Variants in CCSER1 observed in about 807,000 individuals in gnomAD.
The protein encoded by CCSER1 is serine-rich coiled-coil domain-containing protein 1.
In CCSER1, 41 loss-of-function variants were observed where a neutral mutation model predicts 82.0. The observed-to-expected ratio is 0.50, with a 90% CI of 0.39 to 0.65. CCSER1 has a LOEUF of 0.65. Among genes scored for constraint, CCSER1 ranks in the 30% least tolerant of loss-of-function variants. CCSER1 has a pLI of 0.00. For missense variants in CCSER1, 1,119 were observed against 1,064.2 expected, an observed-to-expected ratio of 1.05 and a Z score of -0.72; for synonymous variants, 414 against 383.9, an observed-to-expected ratio of 1.08 and a Z score of -0.92.
intron 6 of CCSER1, among the ~76,000 whole-genome samples, chr4:90,692,787 C>G (rs1736242474): frequency 6.6e-6 from 1 of 151,884 alleles, no homozygotes; most frequent in African/African-American, 2.4e-5. Flanking sequence ...TTTTAGTCCT[C>G]TAACACCAAA....
At chr4:91,138,969 G>T (rs1342166506) in intron 10 of CCSER1, among the ~76,000 whole-genome samples, 2 of 152,162 alleles carry the variant, frequency 1.3e-5, no homozygotes, top group African/African-American at 2.4e-5. Flanking sequence ...GGCTATGAAT[G>T]ATCTGTCACC....
intron 10 of CCSER1, among the ~76,000 whole-genome samples, chr4:91,255,190 T>C (rs1740590602): frequency 6.6e-6 from 1 of 152,178 alleles, no homozygotes; most frequent in South Asian, 2.1e-4. Context: ...GCATAGTTTC[T>C]GGGACAGAAT....
chr4:91,590,756 AGAT>A lies in CCSER1; in HGVS notation c.2218-7812_2218-7810del, dbSNP rs566409721. On this transcript the variant is annotated intron_variant, in intron 10 of 10. Coordinates refer to ENST00000509176, the MANE Select transcript of CCSER1 (RefSeq NM_001145065.2). Reference sequence around the variant, plus strand: ...CTACGTTGGATTGATTTAGTAAAGGAGATGATATTTTTTAAAATTAATAATTAT... The same window carrying A: ...CTACGTTGGATTGATTTAGTAAAGGAGATATTTTTTAAAATTAATAATTAT... 2.6e-3 allele frequency among the ~76,000 whole-genome samples: 400 copies of A among 152,228 alleles called. 1 individual carries two copies. The highest frequency in any genetic ancestry group is 3.4e-3 in the Non-Finnish European group (229 of 68,008).
chr4:90,707,812 T>C (rs1213105118), intron 6 of CCSER1, among the ~76,000 whole-genome samples: 1 of 152,138 alleles, frequency 6.6e-6, no homozygotes, highest in African/African-American at 2.4e-5. Context: ...AGAAGCCACC[T>C]ACCTCAGGCA....
At chr4:91,428,913 G>A (rs191472765) in intron 10 of CCSER1, among the ~76,000 whole-genome samples, 1 of 151,996 alleles carries the variant, frequency 6.6e-6, no homozygotes, top group Admixed American at 6.5e-5. Flanking sequence ...ACATCTTCCT[G>A]TTTATATCTA....
intron 5 of CCSER1, among the ~76,000 whole-genome samples, chr4:90,607,121 A>G (rs1784828697): frequency 6.6e-6 from 1 of 152,188 alleles, no homozygotes; most frequent in East Asian, 1.9e-4. Context: ...TTAGTTATGG[A>G]TGACTCTGAT....
In CCSER1 at chr4:91,411,507, T is replaced by TATATA. The variant is rs1753036223; in HGVS notation, c.2218-187064_2218-187060dup. On this transcript the variant is annotated intron_variant, in intron 10 of 10. Transcript: ENST00000509176. ...GCATATATACATATATATATATATA[T>TATATA]ATATATATATATATATATAAAATCT... 4.5e-5 allele frequency among the ~76,000 whole-genome samples: 3 copies of TATATA among 67,302 alleles called. 1 individual carries two copies. Among genetic ancestry groups the TATATA allele is most frequent in the African/African-American group, 1.5e-4 (3 of 20,664 alleles). The allele number at this position is 67,302 out of a possible 152,430, so 44.2% of individuals were successfully genotyped here.
intron 9 of CCSER1, among the ~76,000 whole-genome samples, chr4:91,042,046 C>G (rs28458793): frequency 0.041 from 6,253 of 152,172 alleles, 167 homozygotes; most frequent in Middle Eastern, 0.061. Flanking sequence ...GAAGAATGAA[C>G]AAGATATTGT....
chr4:91,432,444 A>G (rs1242559354), intron 10 of CCSER1, among the ~76,000 whole-genome samples: 1 of 152,200 alleles, frequency 6.6e-6, no homozygotes, highest in Admixed American at 6.5e-5. Flanking sequence ...ATAAATATAT[A>G]GATTTATTTC....
chr4:90,750,357 A>G (rs944246227), intron 7 of CCSER1, among the ~76,000 whole-genome samples: 34 of 152,000 alleles, frequency 2.2e-4, no homozygotes, highest in Non-Finnish European at 4.3e-4. Flanking sequence ...ACGGAAGGAG[A>G]AGTTGCTTGG....
chr4:91,556,622 A>T (rs1762419236), intron 10 of CCSER1, among the ~76,000 whole-genome samples: 1 of 151,120 alleles, frequency 6.6e-6, no homozygotes, highest in African/African-American at 2.4e-5. Context: ...TTACTGGATG[A>T]AATATGTTAT....
intron 9 of CCSER1, among the ~76,000 whole-genome samples, chr4:91,009,122 C>T (rs1738781574): frequency 6.6e-6 from 1 of 152,158 alleles, no homozygotes; most frequent in Non-Finnish European, 1.5e-5. Flanking sequence ...AGGGGCGGGT[C>T]TGAGATGTCA....
At chr4:90,803,088 A>C (rs1322081844) in intron 7 of CCSER1, among the ~76,000 whole-genome samples, 7 of 152,194 alleles carry the variant, frequency 4.6e-5, no homozygotes, top group Admixed American at 4.6e-4. Flanking sequence ...ATGATGACTC[A>C]ATGTCAAACT....
In CCSER1 at chr4:90,156,198, A is replaced by C. The variant is rs191584027; in HGVS notation, c.-42+28367A>C. ...TTGAGCAGTTTTGGGTGAGTTTCTT[A>C]ATCCTGAGTTCTAGTTTGATTGCAC... is the stretch of plus-strand genomic sequence containing the variant. On this transcript the variant is annotated intron_variant, in intron 1 of 10. Transcript: ENST00000509176. 2.9e-3 allele frequency among the ~76,000 whole-genome samples: 447 copies of C among 152,286 alleles called. 1 individual carries two copies. The highest frequency in any genetic ancestry group is 6.9e-3 in the African/African-American group (286 of 41,560).
chr4:90,541,004 G>T (rs1776034331), intron 5 of CCSER1, among the ~76,000 whole-genome samples: 1 of 151,914 alleles, frequency 6.6e-6, no homozygotes, highest in Non-Finnish European at 1.5e-5. Context: ...TTTTCACTAA[G>T]TTCACTATTT....
intron 10 of CCSER1, among the ~76,000 whole-genome samples, chr4:91,546,634 C>T (rs1278091951): frequency 2.6e-5 from 4 of 151,944 alleles, no homozygotes; most frequent in Non-Finnish European, 5.9e-5. Flanking sequence ...CCCTTTTATT[C>T]TCAGCCTAGC....
chr4:90,818,826 C>T (rs903838272), intron 8 of CCSER1, among the ~76,000 whole-genome samples: 5 of 152,124 alleles, frequency 3.3e-5, no homozygotes, highest in African/African-American at 1.2e-4. Context: ...AATGTGTAGT[C>T]CCCAATGAAA....
intron 9 of CCSER1, among the ~76,000 whole-genome samples, chr4:90,995,318 T>G (rs1471481004): frequency 6.6e-6 from 1 of 152,168 alleles, no homozygotes; most frequent in Non-Finnish European, 1.5e-5. Flanking sequence ...TGATATATTT[T>G]CCATTAGTTT....
chr4:90,445,037 TA>T (rs201494052), intron 4 of CCSER1, among the ~76,000 whole-genome samples: 8 of 150,604 alleles, frequency 5.3e-5, no homozygotes, highest in South Asian at 4.2e-4. Context: ...TTCCCTCAAT[TA>T]AAAAAAAACA....
Sources: allele counts gnomAD v4.1 joint callset (sites outside exome capture counted in the v4.1 genomes callset), GRCh38; gene constraint gnomAD v4.1.1; transcripts MANE v1.5; gene names NCBI Gene and HGNC (gene_info 2026-07-23, HGNC 2026-07-21).